Variants in TAB3 observed in about 807,000 individuals in gnomAD.
TAB3 encodes TGF-beta activated kinase 1 (MAP3K7) binding protein 3.
A neutral mutation model predicts 48.1 loss-of-function variants in TAB3; 18 were observed. The observed-to-expected ratio is 0.37, with a 90% CI of 0.26 to 0.55. The LOEUF (loss-of-function observed/expected upper bound fraction) is 0.55, where lower values mean the gene tolerates loss of function less well. Ranked by LOEUF, TAB3 falls within the 20% of genes least tolerant of loss-of-function variation. The probability of loss-of-function intolerance (pLI) is 0.78; values close to 1 mark genes in which losing one functional copy is unlikely to be tolerated. For synonymous variants in TAB3, 185 were observed against 190.2 expected, an observed-to-expected ratio of 0.97 and a Z score of 0.22; for missense variants, 414 against 549.8, an observed-to-expected ratio of 0.75 and a Z score of 2.47.
At chrX:30,880,080 A>C (rs149023983) in intron 1 of TAB3, among the ~76,000 whole-genome samples, 74 of 111,976 alleles carry the variant, frequency 6.6e-4, no homozygotes, top group African/African-American at 2.4e-3. Flanking sequence ...TGAATTAGAA[A>C]ATGATAAAGA....
At chrX:30,858,647 G>C (rs1318848872) in intron 5 of TAB3, among the ~76,000 whole-genome samples, 1 of 111,266 alleles carries the variant, frequency 9.0e-6, no homozygotes, top group African/African-American at 3.3e-5. Context: ...CATGGTAGAA[G>C]TACTGCTGCC....
At position 30,830,962 on chromosome X, in the gene TAB3, T is replaced by C. The variant is rs1938012173; in HGVS notation, c.*465A>G. On this transcript the variant is annotated 3_prime_UTR_variant, in exon 11 of 11. Transcript: ENST00000288422. ...TGCTTTTTCCTGTTGTCCTCTTTAG[T>C]AGGAAGCAATGGGAAGAAGCACGGG... 1.1e-5 allele frequency: 1 copy of C among 92,113 alleles called. No homozygotes were observed. Among genetic ancestry groups the C allele is most frequent in the African/African-American group, 4.0e-5 (1 of 24,996 alleles). The allele number at this position is 92,113 out of a possible 1,213,427, so 7.6% of individuals were successfully genotyped here.
Position 30,830,192 on chromosome X carries a change from C to A in TAB3, c.*1235G>T, listed in dbSNP as rs1937984776. ...TAGAGACTCAATTGACCTCTAGATA[C>A]AGTTATGTTAAATTTTAAAAGTTGT... is the stretch of plus-strand genomic sequence containing the variant. On this transcript the variant is annotated 3_prime_UTR_variant, in exon 11 of 11. Transcript: ENST00000288422. 8.9e-6 allele frequency: 1 copy of A among 111,800 alleles called. No individual in the cohort carries two copies. The allele number at this position is 111,800 out of a possible 1,213,427, so 9.2% of individuals were successfully genotyped here.
chrX:30,854,176 C>T lies in TAB3; in HGVS notation c.1489G>A (p.Gly497Arg). ...SVIPGSGGEKGSHKYQRSSSS... is the reference protein window; with the variant it reads ...SVIPGSGGEKRSHKYQRSSSS... Reference sequence around the variant, plus strand: ...GAACTTCTCTGATATTTATGGCTTCCCTTTTCTCCCCCAGAGCCTGGTATC... The same window carrying T: ...GAACTTCTCTGATATTTATGGCTTCTCTTTTCTCCCCCAGAGCCTGGTATC... Residue 497 changes from glycine (G) to arginine (R), a missense_variant, in exon 6 of 11, where the codon GGA becomes AGA. Physicochemically the swap from Gly to Arg is moderately radical, Grantham distance 125. Transcript: ENST00000288422. 2 of 1,210,130 alleles carry T rather than the reference C, an allele frequency of 1.7e-6. No homozygotes were observed. Among genetic ancestry groups the T allele is most frequent in the Non-Finnish European group, 1.1e-6 (1 of 894,954 alleles).
chrX:30,853,531 C>T (rs1037877658), intron 6 of TAB3, among the ~76,000 whole-genome samples: 1 of 112,525 alleles, frequency 8.9e-6, no homozygotes, highest in Non-Finnish European at 1.9e-5. Context: ...TTTTTTCCTA[C>T]TCTGTAGTTT....
At position 30,855,453 on chromosome X, in the gene TAB3, A is replaced by C; in HGVS notation, c.212T>G (p.Leu71Arg). Residue 71 changes from leucine to arginine, a missense_variant, in exon 6 of 11, where the codon CTT becomes CGT. Transcript: ENST00000288422. ...ATGGATACCCAGGTTAATATGTAAA[A>C]GGCGATTTCTATTCATCCTATTGTC... ...PDDNRMNRNR[L>R]LHINLGIHSP... 8.3e-7 allele frequency: 1 copy of C among 1,211,412 alleles called. No individual in the cohort carries two copies. The highest frequency in any genetic ancestry group is 1.1e-6 in the Non-Finnish European group (1 of 895,343).
chrX:30,850,145 C>T lies in TAB3; in HGVS notation c.1710+2633G>A, dbSNP rs142542306. The stretch of plus-strand genomic sequence containing the variant: ...GGCACCTGACTTGAGAGCCTACTCA[C>T]GGTCTCAACCACCACGTACTGTCCC... On this transcript the variant is annotated intron_variant, in intron 7 of 10. Transcript: ENST00000288422. Among the ~76,000 whole-genome samples, 4 of 111,437 alleles carry T rather than the reference C, an allele frequency of 3.6e-5. No homozygotes were observed. In the East Asian group the frequency reaches 1.1e-3, roughly 31 times the overall value.
Position 30,831,019 on chromosome X carries a change from G to GT in TAB3, c.*407dup, listed in dbSNP as rs1356535996. On this transcript the variant is annotated 3_prime_UTR_variant, in exon 11 of 11. Transcript: ENST00000288422. ...TGGTTTTCCAGAGAGCGGTGACCAG[G>GT]TAAGTCTGCTCTGGGAATTCACAGT... is the stretch of plus-strand genomic sequence containing the variant. The GT allele has an allele frequency of 9.5e-6, 1 of 105,334 alleles. No homozygotes were observed. The highest frequency in any genetic ancestry group is 1.9e-5 in the Non-Finnish European group (1 of 52,192). 8.7% of individuals were successfully genotyped at this position (105,334 alleles called of 1,213,427 possible).
At position 30,887,263 on chromosome X, in the gene TAB3, T is replaced by C. The variant is rs186909354; in HGVS notation, c.-383+1851A>G. Among the ~76,000 whole-genome samples, 21 of 112,229 alleles carry C rather than the reference T, an allele frequency of 1.9e-4. No individual in the cohort carries two copies. In the East Asian group the frequency reaches 5.6e-3, roughly 30 times the overall value. ...ACAAGAGGCAAAGTAACTGAAAATA[T>C]CTGAATTTCAGATAGGTCACTACCA... On this transcript the variant is annotated intron_variant, in intron 1 of 10. Transcript: ENST00000288422.
intron 7 of TAB3, among the ~76,000 whole-genome samples, chrX:30,850,435 A>C (rs979420564): frequency 9.0e-6 from 1 of 111,593 alleles, no homozygotes; most frequent in Non-Finnish European, 1.9e-5. Flanking sequence ...ATCGGGGGCC[A>C]GGTGCGGTGG....
rs1400091651 is a variant in TAB3, at chrX:30,831,247, A to G, written c.*180T>C. ...ACTCTGTAGTGAGTTAAGAAAGGAG[A>G]AAAAAAAGACCTCCCCATTTTTCCT... On this transcript the variant is annotated 3_prime_UTR_variant, in exon 11 of 11. Transcript: ENST00000288422. 1.4e-5 allele frequency: 6 copies of G among 419,108 alleles called. 1 individual carries two copies. The highest frequency in any genetic ancestry group is 2.6e-5 in the African/African-American group (1 of 39,162). 34.5% of individuals were successfully genotyped at this position (419,108 alleles called of 1,213,427 possible).
intron 7 of TAB3, among the ~76,000 whole-genome samples, chrX:30,847,170 A>C (rs188490109): frequency 9.0e-6 from 1 of 111,579 alleles, no homozygotes; most frequent in Admixed American, 9.6e-5. Flanking sequence ...TAATTTTCTT[A>C]AAGTTATAAA....
At chrX:30,886,467 C>T (rs4287088) in intron 1 of TAB3, among the ~76,000 whole-genome samples, 5,805 of 111,046 alleles carry the variant, frequency 0.052, 291 homozygotes, top group African/African-American at 0.15. Flanking sequence ...CACAGATTGC[C>T]CATCAAGATG....
intron 9 of TAB3, among the ~76,000 whole-genome samples, chrX:30,842,535 C>T (rs1569205906): frequency 8.9e-6 from 1 of 112,052 alleles, no homozygotes; most frequent in Non-Finnish European, 1.9e-5. Flanking sequence ...CTAAGAGTTA[C>T]TAATTTCAGT....
intron 4 of TAB3, among the ~76,000 whole-genome samples, chrX:30,860,960 AT>A (rs756066294): frequency 8.9e-6 from 1 of 112,210 alleles, no homozygotes; most frequent in Non-Finnish European, 1.9e-5. Context: ...TCAGAAAAAA[AT>A]ATATGTACAT....
At chrX:30,859,391 C>CACACACACACA in intron 5 of TAB3, 96 bp downstream of exon 5, 1 of 634,294 alleles carries the variant, frequency 1.6e-6, no homozygotes, top group African/African-American at 2.3e-5. Context: ...CACACACACA[C>CACACACACACA]AAGAAAACAT....
chrX:30,843,955 A>G (rs1336787466), intron 8 of TAB3: 1 of 111,010 alleles, frequency 9.0e-6, no homozygotes, highest in Non-Finnish European at 1.9e-5. Context: ...GTTTAAATAT[A>G]TTAAATCTCT....
intron 1 of TAB3, among the ~76,000 whole-genome samples, chrX:30,878,724 G>C (rs1364754782): frequency 9.0e-6 from 1 of 111,145 alleles, no homozygotes. Flanking sequence ...GTAAGTCTCA[G>C]GGCATTTTAA....
In TAB3 at chrX:30,852,799, G is replaced by T; in HGVS notation, c.1689C>A (p.Ser563Arg). The T allele has an allele frequency of 8.3e-7, 1 of 1,210,992 alleles. No homozygotes were observed. Residue 563 changes from serine (S) to arginine (R), a missense_variant, in exon 7 of 11, where the codon AGC (serine) becomes AGA (arginine). By Grantham distance (110) the Ser-to-Arg change is moderately radical. Coordinates refer to ENST00000288422, the MANE Select transcript of TAB3 (RefSeq NM_152787.5). Reference protein sequence around the residue: ...DLMQRRLRRVSCTTAIPTPEE... With the variant: ...DLMQRRLRRVRCTTAIPTPEE... ...TTACCGTAGGGATCGCAGTGGTGCA[G>T]CTGACTCTTCTGAGCCGTCTCTGCA...
Sources: gnomAD v4.1 joint callset for allele counts (sites outside exome capture counted in the v4.1 genomes callset) on GRCh38, gnomAD v4.1.1 for gene constraint, MANE v1.5 for transcripts, NCBI Gene and HGNC (gene_info 2026-07-23, HGNC 2026-07-21) for gene names.